The following XKR9 variants were observed in gnomAD, a reference collection of about 807,000 sequenced individuals.
XKR9 encodes XK-related protein 9.
In XKR9, 32 loss-of-function variants were observed where a neutral mutation model predicts 32.0. The ratio of observed to expected loss-of-function variants is 1.00; its 90% CI spans 0.76 to 1.34. The LOEUF is 1.34. XKR9 is among the 40% of genes most tolerant of loss of function. The pLI is 0.00. For synonymous variants in XKR9, 168 were observed against 143.4 expected, an observed-to-expected ratio of 1.17 and a Z score of -1.22; for missense variants, 546 against 429.7, an observed-to-expected ratio of 1.27 and a Z score of -2.39.
intron 2 of XKR9, among the ~76,000 whole-genome samples, chr8:70,772,436 C>A (rs1390569489): frequency 2.0e-5 from 3 of 152,114 alleles, no homozygotes; most frequent in African/African-American, 7.2e-5. Context: ...TTTTGAACAG[C>A]CCGATTTAAT....
the XKR9 span, among the ~76,000 whole-genome samples, chr8:70,999,294 C>T: frequency 6.6e-6 from 1 of 152,112 alleles, no homozygotes; most frequent in Non-Finnish European, 1.5e-5. Context: ...GAGTTGCTTG[C>T]AGTTTGCTCC....
chr8:70,815,766 C>A, the XKR9 span, among the ~76,000 whole-genome samples: 2 of 151,986 alleles, frequency 1.3e-5, no homozygotes, highest in Non-Finnish European at 2.9e-5. Flanking sequence ...ACCTTGTGAT[C>A]CACCCACCTC....
chr8:70,868,580 A>C, the XKR9 span, among the ~76,000 whole-genome samples: 2 of 152,068 alleles, frequency 1.3e-5, no homozygotes, highest in Non-Finnish European at 2.9e-5. Context: ...TGCACATAGC[A>C]CGAGGACCCT....
chr8:71,001,902 T>C, the XKR9 span, among the ~76,000 whole-genome samples: 1 of 152,220 alleles, frequency 6.6e-6, no homozygotes. Context: ...GTTCCAAATA[T>C]TCCAAATATA....
the XKR9 span, among the ~76,000 whole-genome samples, chr8:70,929,651 G>A: frequency 6.6e-6 from 1 of 152,134 alleles, no homozygotes; most frequent in Non-Finnish European, 1.5e-5. Flanking sequence ...TGGTGGCCAG[G>A]GTTTGCTCTC....
At chr8:70,795,505 G>T in the XKR9 span, among the ~76,000 whole-genome samples, 1 of 152,082 alleles carries the variant, frequency 6.6e-6, no homozygotes, top group South Asian at 2.1e-4. Flanking sequence ...CCCAGTAATG[G>T]AATTGCTGGA....
the XKR9 span, among the ~76,000 whole-genome samples, chr8:70,804,180 C>T: frequency 6.6e-6 from 1 of 152,248 alleles, no homozygotes; most frequent in Non-Finnish European, 1.5e-5. Flanking sequence ...AGAAGCAGAA[C>T]TGCTGGTTCA....
chr8:70,913,091 GC>G, the XKR9 span, among the ~76,000 whole-genome samples: 2 of 152,116 alleles, frequency 1.3e-5, no homozygotes, highest in Non-Finnish European at 2.9e-5. Flanking sequence ...AAGACCTATT[GC>G]ATCACAACCA....
At chr8:71,063,386 A>G in the XKR9 span, among the ~76,000 whole-genome samples, 1 of 152,100 alleles carries the variant, frequency 6.6e-6, no homozygotes, top group Non-Finnish European at 1.5e-5. Context: ...CCTCCACTTA[A>G]ACCCAGGGTC....
chr8:70,886,584 A>C, the XKR9 span, among the ~76,000 whole-genome samples: 1 of 152,186 alleles, frequency 6.6e-6, no homozygotes, highest in Non-Finnish European at 1.5e-5. Flanking sequence ...TTGTCATTCT[A>C]ACTGGCGTGA....
the XKR9 span, among the ~76,000 whole-genome samples, chr8:70,915,136 A>G: frequency 1.3e-5 from 2 of 152,052 alleles, no homozygotes; most frequent in African/African-American, 2.4e-5. Context: ...CAGTTTACCA[A>G]TCTGGGTGGT....
chr8:70,851,774 A>C, the XKR9 span, among the ~76,000 whole-genome samples: 2 of 152,212 alleles, frequency 1.3e-5, no homozygotes, highest in Admixed American at 6.5e-5. Flanking sequence ...CCTTATACAA[A>C]AATTAACTGA....
chr8:70,766,198 T>C (rs1045860268), intron 2 of XKR9, among the ~76,000 whole-genome samples: 5 of 152,174 alleles, frequency 3.3e-5, no homozygotes, highest in African/African-American at 1.2e-4. Flanking sequence ...CTTTGGGCAG[T>C]ATGGCCATTT....
chr8:70,782,345 TTAAA>T (rs1807628433), intron 2 of XKR9, among the ~76,000 whole-genome samples: 1 of 152,218 alleles, frequency 6.6e-6, no homozygotes, highest in Non-Finnish European at 1.5e-5. Context: ...GAATATGATG[TTAAA>T]TAATTAAATA....
At chr8:70,732,338 C>T (rs560475431) in intron 4 of XKR9, among the ~76,000 whole-genome samples, 13 of 152,336 alleles carry the variant, frequency 8.5e-5, no homozygotes, top group South Asian at 8.3e-4. Flanking sequence ...GCTACAGTTA[C>T]GGGATGTCTC....
At chr8:70,945,746 T>A in the XKR9 span, among the ~76,000 whole-genome samples, 3 of 152,220 alleles carry the variant, frequency 2.0e-5, no homozygotes, top group African/African-American at 7.2e-5. Flanking sequence ...GTTGCCTGTT[T>A]CCTGGGCTTA....
At chr8:70,693,852 T>A (rs190558165) in intron 3 of XKR9, among the ~76,000 whole-genome samples, 48 of 152,316 alleles carry the variant, frequency 3.2e-4, no homozygotes, top group African/African-American at 1.1e-3. Flanking sequence ...TGCTCCTTTG[T>A]TAGTCCGAAG....
the XKR9 span, among the ~76,000 whole-genome samples, chr8:71,039,134 G>C: frequency 1.3e-5 from 2 of 152,234 alleles, no homozygotes; most frequent in East Asian, 3.9e-4. Flanking sequence ...TCAGGCTAAG[G>C]CTGAGAGGGC....
intron 3 of XKR9, among the ~76,000 whole-genome samples, chr8:70,687,418 A>G (rs576422389): frequency 1.1e-4 from 16 of 148,348 alleles, no homozygotes; most frequent in East Asian, 8.0e-4. Flanking sequence ...TCTCCTTTCT[A>G]AATAGAGACA....
Sources: allele counts gnomAD v4.1 joint callset (sites outside exome capture counted in the v4.1 genomes callset), GRCh38; gene constraint gnomAD v4.1.1; transcripts MANE v1.5; gene names NCBI Gene and HGNC (gene_info 2026-07-23, HGNC 2026-07-21).